Variants in ETV7 observed in about 807,000 individuals in gnomAD.
ETV7 encodes the protein ETS variant transcription factor 7.
Under a neutral mutation model 39.1 loss-of-function variants are expected in ETV7, and 43 were observed. That is an observed-to-expected ratio of 1.10 (90% CI 0.86 to 1.42). ETV7 has a LOEUF of 1.42. Among genes scored for constraint, ETV7 ranks in the 40% most tolerant of loss-of-function variants. The pLI is 0.00. For missense variants in ETV7, 432 were observed against 442.3 expected (o/e 0.98, Z 0.21); for synonymous variants, 196 against 176.6 (o/e 1.11, Z -0.87).
chr6:36,363,124 G>C (rs559581267), downstream of ETV7, among the ~76,000 whole-genome samples: 2 of 152,352 alleles, frequency 1.3e-5, no homozygotes, highest in East Asian at 3.9e-4. Context: ...TCTGGGGTGA[G>C]GAGGTGATAA....
chr6:36,363,821 C>A (rs1362574056), downstream of ETV7, among the ~76,000 whole-genome samples: 1 of 152,056 alleles, frequency 6.6e-6, no homozygotes, highest in East Asian at 2.0e-4. Context: ...CAAGGCCCCA[C>A]CAGAGTAGCT....
chr6:36,362,674 T>C (rs938657280), downstream of ETV7, among the ~76,000 whole-genome samples: 3 of 152,124 alleles, frequency 2.0e-5, no homozygotes, highest in Admixed American at 6.5e-5. Context: ...CACGGCCTGA[T>C]CTCCCTGGGG....
intron 2 of ETV7, 88 bp from the exon 3 acceptor site, chr6:36,376,123 C>T (rs946828503): frequency 3.9e-6 from 5 of 1,279,074 alleles, no homozygotes; most frequent in Non-Finnish European, 5.3e-6. Flanking sequence ...GCAGATGCTC[C>T]CCTGTCCTGG....
At chr6:36,368,480 A>G (rs978638088) in intron 6 of ETV7, among the ~76,000 whole-genome samples, 7 of 152,190 alleles carry the variant, frequency 4.6e-5, no homozygotes, top group African/African-American at 1.7e-4. Context: ...ACCTAAGATC[A>G]TCTTACAGAC....
intron 2 of ETV7, among the ~76,000 whole-genome samples, chr6:36,376,932 T>C (rs1209661951): frequency 6.6e-6 from 1 of 152,208 alleles, no homozygotes; most frequent in Non-Finnish European, 1.5e-5. Flanking sequence ...TTGTGCCAAC[T>C]TGGAATCAGG....
chr6:36,363,035 T>G (rs1309387407), downstream of ETV7, among the ~76,000 whole-genome samples: 2 of 152,238 alleles, frequency 1.3e-5, no homozygotes, highest in African/African-American at 2.4e-5. Context: ...CACTTCGCTC[T>G]GGCGGCAGTT....
At chr6:36,359,668 GTTTA>G (rs997606782) in intron 7 of ETV7, among the ~76,000 whole-genome samples, 5 of 152,046 alleles carry the variant, frequency 3.3e-5, no homozygotes, top group South Asian at 4.1e-4. Context: ...GTATTGATTT[GTTTA>G]TTTATCTGTT....
At chr6:36,382,300 T>G (rs1441857661) in intron 2 of ETV7, among the ~76,000 whole-genome samples, 1 of 152,236 alleles carries the variant, frequency 6.6e-6, no homozygotes, top group South Asian at 2.1e-4. Flanking sequence ...TATTTCAATT[T>G]TTAAAAATAT....
At chr6:36,356,323 CAAA>C (rs59649348) in intron 7 of ETV7, among the ~76,000 whole-genome samples, 2 of 77,650 alleles carry the variant, frequency 2.6e-5, no homozygotes, top group South Asian at 4.1e-4. Flanking sequence ...GACCCTGTCT[CAAA>C]AAAAAAAAAA....
At chr6:36,359,410 C>T (rs1419065881) in intron 7 of ETV7, among the ~76,000 whole-genome samples, 2 of 150,384 alleles carry the variant, frequency 1.3e-5, no homozygotes, top group Non-Finnish European at 2.9e-5. Context: ...AAGATTGCAC[C>T]ATTGCTCTCC....
At chr6:36,383,008 G>T (rs1773726387) in intron 2 of ETV7, among the ~76,000 whole-genome samples, 1 of 151,870 alleles carries the variant, frequency 6.6e-6, no homozygotes, top group Non-Finnish European at 1.5e-5. Context: ...AGGCCATGGT[G>T]GTGACCATCT....
Position 36,385,529 on chromosome 6 carries a change from C to T in ETV7, c.142+5G>A, listed in dbSNP as rs1421965309. The T allele has an allele frequency of 3.1e-6, 5 of 1,614,092 alleles. No individual in the cohort carries two copies. Among genetic ancestry groups the T allele is most frequent in the Non-Finnish European group, 8.5e-7 (1 of 1,180,050 alleles). ...AACTCAGCTTTTCTCCTCCCCTCTA[C>T]TTACGGAGTCTTCCTGGCAGCTTGC... is the stretch of plus-strand genomic sequence containing the variant. On this transcript the variant is annotated splice_donor_5th_base_variant and intron_variant, in intron 2 of 7. Transcript: ENST00000340181.
At chr6:36,375,802 C>CG (rs897489089) in intron 3 of ETV7, 69 bp downstream of exon 3, 1 of 1,608,576 alleles carries the variant, frequency 6.2e-7, no homozygotes, top group African/African-American at 1.3e-5. Context: ...CTGGGCCCCC[C>CG]GGGGGTACTT....
downstream of ETV7, among the ~76,000 whole-genome samples, chr6:36,364,599 C>T (rs943551496): frequency 3.3e-5 from 5 of 152,228 alleles, no homozygotes; most frequent in Admixed American, 1.3e-4. Context: ...CCCCAGTTCC[C>T]GCTCGTGCCT....
chr6:36,362,965 G>C (rs1276232911), downstream of ETV7, among the ~76,000 whole-genome samples: 1 of 152,238 alleles, frequency 6.6e-6, no homozygotes, highest in Non-Finnish European at 1.5e-5. Flanking sequence ...GCTGAGAAGA[G>C]GAAATGAGGT....
At chr6:36,376,193 C>T (rs1298222545) in intron 2 of ETV7, among the ~76,000 whole-genome samples, 158 bp from the exon 3 acceptor site, 5 of 152,182 alleles carry the variant, frequency 3.3e-5, no homozygotes, top group Non-Finnish European at 7.4e-5. Flanking sequence ...TAGCATGTTA[C>T]GTTCTTTGTA....
intron 7 of ETV7, among the ~76,000 whole-genome samples, chr6:36,355,073 A>G (rs575696065): frequency 1.3e-5 from 2 of 152,304 alleles, no homozygotes; most frequent in African/African-American, 2.4e-5. Flanking sequence ...CATGTTATCT[A>G]TGAACAGAGA....
chr6:36,375,898 C>G lies in ETV7; in HGVS notation c.280G>C (p.Asp94His). 2 of 1,614,062 alleles carry G rather than the reference C, an allele frequency of 1.2e-6. No homozygotes were observed. The highest frequency in any genetic ancestry group is 1.7e-6 in the Non-Finnish European group (2 of 1,180,030). Residue 94 changes from aspartate (D) to histidine (H), a missense_variant, in exon 3 of 8, where the codon GAC becomes CAC. Physicochemically the swap from Asp to His is moderately conservative, Grantham distance 81 (BLOSUM62 -1). Coordinates refer to ENST00000340181, the MANE Select transcript of ETV7 (RefSeq NM_016135.4). ...GRALCILTKD[D>H]FRHRAPSSGD... ...GAGCTGGGCGCACGGTGCCGGAAGT[C>G]GTCCTTGGTGAGGATGCAGAGGGCG...
At chr6:36,371,067 C>T (rs148833342) in intron 5 of ETV7, among the ~76,000 whole-genome samples, 2 of 152,338 alleles carry the variant, frequency 1.3e-5, no homozygotes, top group African/African-American at 4.8e-5. Context: ...GCAGGTGTGG[C>T]ACTCCATGCT....
Sources: allele counts gnomAD v4.1 joint callset (sites outside exome capture counted in the v4.1 genomes callset), GRCh38; gene constraint gnomAD v4.1.1; transcripts MANE v1.5; gene names NCBI Gene and HGNC (gene_info 2026-07-23, HGNC 2026-07-21).